IL34: variants seen among roughly 807,000 people sequenced by gnomAD.
The protein encoded by IL34 is interleukin-34.
In IL34, 17 loss-of-function variants were observed where a neutral mutation model predicts 25.3. That is an observed-to-expected ratio of 0.67 (90% confidence interval 0.46 to 1.01). The LOEUF (loss-of-function observed/expected upper bound fraction) is 1.01. Ranked by LOEUF, IL34 falls within the 50% of genes least tolerant of loss-of-function variation. The pLI is 0.00. For missense variants in IL34, 368 were observed against 312.9 expected (o/e 1.18, Z -1.33); for synonymous variants, 174 against 140.9 (o/e 1.23, Z -1.66).
intron 1 of IL34, among the ~76,000 whole-genome samples, chr16:70,627,355 C>T (rs2151845381): frequency 6.6e-6 from 1 of 152,178 alleles, no homozygotes; most frequent in East Asian, 1.9e-4. Context: ...CAACTATTAC[C>T]AGCGTGTAGA....
At chr16:70,649,522 A>T (rs927894784) in intron 1 of IL34, among the ~76,000 whole-genome samples, 1 of 152,158 alleles carries the variant, frequency 6.6e-6, no homozygotes, top group Non-Finnish European at 1.5e-5. Context: ...GTCCAGTGTC[A>T]GGGCTCTGCC....
intron 1 of IL34, among the ~76,000 whole-genome samples, chr16:70,641,501 C>T (rs1203845112): frequency 5.4e-5 from 6 of 112,094 alleles, no homozygotes; most frequent in Admixed American, 1.5e-4. Flanking sequence ...AATTCTTTCC[C>T]TCCCTCTCTC....
intron 1 of IL34, among the ~76,000 whole-genome samples, chr16:70,640,921 G>A (rs1466211584): frequency 6.6e-6 from 1 of 152,072 alleles, no homozygotes; most frequent in Non-Finnish European, 1.5e-5. Context: ...TTCCAGAAAA[G>A]GCTGAATGTA....
intron 1 of IL34, among the ~76,000 whole-genome samples, chr16:70,648,260 A>C (rs1477729059): frequency 2.6e-5 from 4 of 152,176 alleles, no homozygotes; most frequent in Non-Finnish European, 5.9e-5. Flanking sequence ...GGAGGTGCGA[A>C]TGAAAGGCAA....
At chr16:70,624,369 T>C (rs1418929186) in intron 1 of IL34, among the ~76,000 whole-genome samples, 4 of 152,040 alleles carry the variant, frequency 2.6e-5, no homozygotes, top group African/African-American at 9.7e-5. Flanking sequence ...AATTGCAACT[T>C]TTTTTCTGTT....
chr16:70,635,183 C>T (rs1597763921), intron 1 of IL34, among the ~76,000 whole-genome samples: 1 of 152,176 alleles, frequency 6.6e-6, no homozygotes, highest in Admixed American at 6.5e-5. Flanking sequence ...TCCAAAATGA[C>T]AATCCCAGCT....
At chr16:70,657,209 G>A in intron 4 of IL34, 88 bp downstream of exon 4, 2 of 1,397,808 alleles carry the variant, frequency 1.4e-6, no homozygotes, top group Non-Finnish European at 2.0e-6. Flanking sequence ...GGCTAGTGAG[G>A]GAAAGGGTGA....
rs1188110976 is a variant in IL34 at position 70,659,669 on chromosome 16, C to G, written c.454C>G (p.Pro152Ala). ...ATCCGTGTTGTCCCTCTTGAATGCC[C>G]CAGGGCCAAACCTGAAGCTGGTGCG... The part of the protein sequence containing the change: ...VESVLSLLNA[P>A]GPNLKLVRPK... Residue 152 changes from proline to alanine, a missense_variant, in exon 5 of 6, where the codon CCA becomes GCA. Coordinates refer to ENST00000288098, the MANE Select transcript of IL34 (RefSeq NM_001393494.1). 26 of 1,613,104 alleles carry G rather than the reference C, an allele frequency of 1.6e-5. No individual in the cohort carries two copies. The highest frequency in any genetic ancestry group is 1.9e-5 in the Non-Finnish European group (23 of 1,179,688).
chr16:70,592,605 A>AAAAAG (rs2050769048), intron 1 of IL34, among the ~76,000 whole-genome samples: 2 of 152,208 alleles, frequency 1.3e-5, no homozygotes, highest in African/African-American at 2.4e-5. Context: ...CTTAAAAAAA[A>AAAAAG]TCAGTAGACT....
intron 1 of IL34, among the ~76,000 whole-genome samples, chr16:70,624,277 A>G (rs577490383): frequency 0.029 from 4,303 of 150,084 alleles, 283 homozygotes; most frequent in African/African-American, 0.095. Flanking sequence ...CTGGAGGAAT[A>G]CCTGGCTGCT....
intron 2 of IL34, among the ~76,000 whole-genome samples, chr16:70,655,755 C>A (rs2052202435): frequency 6.6e-6 from 1 of 152,002 alleles, no homozygotes; most frequent in African/African-American, 2.4e-5. Context: ...GTTGTCCAGG[C>A]TGAAGTGTAG....
chr16:70,660,400 C>T lies in IL34; in HGVS notation c.*213C>T, dbSNP rs2052376993. 8.1e-6 allele frequency: 4 copies of T among 493,846 alleles called. No individual in the cohort carries two copies. The highest frequency in any genetic ancestry group is 2.0e-5 in the African/African-American group (1 of 50,820). The allele number at this position is 493,846 out of a possible 1,614,324, so 30.6% of individuals were successfully genotyped here. A position where few individuals can be genotyped will look rare whatever the true frequency, so the allele number is the denominator to read the frequency against. On this transcript the variant is annotated 3_prime_UTR_variant, in exon 6 of 6. Coordinates refer to ENST00000288098, the MANE Select transcript of IL34 (RefSeq NM_001393494.1). ...ATGGCCTCACCTGGAGCGGAGGGGA[C>T]CTGGGGACCTGAAGGTGGATGGGGA...
chr16:70,592,016 G>C (rs946407334), intron 1 of IL34, among the ~76,000 whole-genome samples: 5 of 152,110 alleles, frequency 3.3e-5, no homozygotes, highest in South Asian at 2.1e-4. Flanking sequence ...AGCTGCTTAG[G>C]GTCTCCTCCA....
At chr16:70,612,850 A>G (rs1368229792) in intron 1 of IL34, among the ~76,000 whole-genome samples, 1 of 152,166 alleles carries the variant, frequency 6.6e-6, no homozygotes, top group African/African-American at 2.4e-5. Flanking sequence ...CAGTGGTACA[A>G]TCTCAACTCA....
chr16:70,619,051 G>T (rs1304099282), intron 1 of IL34, among the ~76,000 whole-genome samples: 1 of 152,198 alleles, frequency 6.6e-6, no homozygotes, highest in Non-Finnish European at 1.5e-5. Flanking sequence ...AAACAATTTG[G>T]TTGATAAGGC....
chr16:70,600,188 C>A (rs1178719531), intron 1 of IL34, among the ~76,000 whole-genome samples: 1 of 152,128 alleles, frequency 6.6e-6, no homozygotes, highest in Non-Finnish European at 1.5e-5. Context: ...TTCCTATTTT[C>A]CACCCTTCAG....
intron 1 of IL34, among the ~76,000 whole-genome samples, chr16:70,649,254 A>G (rs2052019063): frequency 6.6e-6 from 1 of 152,232 alleles, no homozygotes; most frequent in East Asian, 1.9e-4. Flanking sequence ...GAGGAAGCGT[A>G]CTGAGGAGCA....
At chr16:70,651,603 C>T in intron 1 of IL34, among the ~76,000 whole-genome samples, 1 of 151,882 alleles carries the variant, frequency 6.6e-6, no homozygotes, top group East Asian at 1.9e-4. Context: ...TTGGAGAAGG[C>T]AGTGGGGAGG....
chr16:70,624,393 A>C (rs920707612), intron 1 of IL34, among the ~76,000 whole-genome samples: 1 of 152,136 alleles, frequency 6.6e-6, no homozygotes, highest in African/African-American at 2.4e-5. Context: ...GTACACCTTG[A>C]AGGTGAGGTT....
Sources: gnomAD v4.1 joint callset for allele counts (sites outside exome capture counted in the v4.1 genomes callset) on GRCh38, gnomAD v4.1.1 for gene constraint, MANE v1.5 for transcripts, NCBI Gene and HGNC (gene_info 2026-07-23, HGNC 2026-07-21) for gene names.